EDIL3: variants seen among roughly 807,000 people sequenced by gnomAD.
EDIL3 encodes the protein EGF like and discoidin domains 3.
In EDIL3, 37 loss-of-function variants were observed where a neutral mutation model predicts 67.4. That is an observed-to-expected ratio of 0.55 (90% CI 0.42 to 0.72). The LOEUF (loss-of-function observed/expected upper bound fraction) is 0.72, where lower values mean the gene tolerates loss of function less well. Ranked by LOEUF, EDIL3 falls within the 30% of genes least tolerant of loss-of-function variation. The pLI, the probability that EDIL3 is intolerant of heterozygous loss-of-function variation, is 0.00. For synonymous variants in EDIL3, 195 were observed against 196.3 expected (o/e 0.99, Z 0.05); for missense variants, 527 against 586.3 (o/e 0.90, Z 1.04).
chr5:84,126,584 T>C (rs1327717666), intron 5 of EDIL3, among the ~76,000 whole-genome samples: 2 of 152,146 alleles, frequency 1.3e-5, no homozygotes, highest in Non-Finnish European at 2.9e-5. Flanking sequence ...ACATGTATTA[T>C]GTGAAATGAA....
At chr5:84,156,984 T>C (rs1370451608) in intron 4 of EDIL3, among the ~76,000 whole-genome samples, 1 of 152,202 alleles carries the variant, frequency 6.6e-6, no homozygotes, top group Non-Finnish European at 1.5e-5. Context: ...CAGTTGAGTT[T>C]CTTCCTTCTC....
intron 9 of EDIL3, among the ~76,000 whole-genome samples, chr5:83,978,235 T>G (rs987476758): frequency 2.6e-5 from 4 of 151,886 alleles, no homozygotes; most frequent in African/African-American, 9.7e-5. Context: ...AAATGTAAAT[T>G]TTAGAAACCC....
chr5:84,014,813 A>C (rs1249946053), intron 9 of EDIL3, among the ~76,000 whole-genome samples: 1 of 152,236 alleles, frequency 6.6e-6, no homozygotes, highest in East Asian at 1.9e-4. Context: ...TAAGAAAATT[A>C]ATTCTTTGTA....
At chr5:84,062,967 G>C (rs553085672) in intron 8 of EDIL3, among the ~76,000 whole-genome samples, 1 of 152,208 alleles carries the variant, frequency 6.6e-6, no homozygotes, top group South Asian at 2.1e-4. Flanking sequence ...AAGTGCTCTA[G>C]TTTTTTAAAG....
At chr5:83,958,764 C>G (rs1002211750) in intron 10 of EDIL3, among the ~76,000 whole-genome samples, 1 of 151,290 alleles carries the variant, frequency 6.6e-6, no homozygotes, top group African/African-American at 2.4e-5. Context: ...AAGTGTTTGT[C>G]AAGTTTTGCA....
chr5:84,075,947 T>A (rs889888752), intron 6 of EDIL3, among the ~76,000 whole-genome samples: 1 of 130,632 alleles, frequency 7.7e-6, no homozygotes, highest in African/African-American at 2.6e-5. Context: ...ATTGTGGGTT[T>A]TATATATATA....
At chr5:84,253,354 C>T (rs537746349) in intron 2 of EDIL3, among the ~76,000 whole-genome samples, 25 of 152,174 alleles carry the variant, frequency 1.6e-4, no homozygotes, top group Non-Finnish European at 3.1e-4. Context: ...CTTACCTGTG[C>T]TATTAACTTT....
chr5:84,132,481 T>A (rs1396128387), intron 5 of EDIL3, among the ~76,000 whole-genome samples: 4 of 108,626 alleles, frequency 3.7e-5, no homozygotes, highest in Admixed American at 2.5e-4. Context: ...AATATATATT[T>A]TAATATATAT....
intron 1 of EDIL3, among the ~76,000 whole-genome samples, chr5:84,310,637 T>C (rs771757183): frequency 1.3e-5 from 2 of 152,216 alleles, no homozygotes; most frequent in East Asian, 1.9e-4. Context: ...TTTATCCTTA[T>C]ACAAATATTT....
chr5:84,229,877 A>T lies in EDIL3; in HGVS notation c.204T>A (p.Asp68Glu). Residue 68 changes from aspartate (D) to glutamate (E), a missense_variant, in exon 3 of 11, where the codon GAT becomes GAA. Around this residue, in one of 2 missense-constraint regions of EDIL3, gnomAD observed 494 missense variants for 522.5 expected, o/e 0.95. Coordinates refer to ENST00000296591, the MANE Select transcript of EDIL3 (RefSeq NM_005711.5). ...TACCTGCTGAAGTTGGTTCTTCTTC[A>T]TCTGATGCTATGATAAGAGGAAAAG... ...NCSSVVEVASDEEEPTSAGPC... is the reference protein window; with the variant it reads ...NCSSVVEVASEEEEPTSAGPC... 1.3e-6 allele frequency: 2 copies of T among 1,598,306 alleles called. No individual in the cohort carries two copies. Among genetic ancestry groups the T allele is most frequent in the South Asian group, 1.1e-5 (1 of 89,610 alleles).
intron 1 of EDIL3, among the ~76,000 whole-genome samples, chr5:84,284,395 T>C (rs1452427868): frequency 6.6e-6 from 1 of 152,100 alleles, no homozygotes; most frequent in African/African-American, 2.4e-5. Flanking sequence ...GCATGGCTAC[T>C]ATACCCATGC....
rs1366744773 is a variant in EDIL3 at position 84,130,517 on chromosome 5, T to C, written c.469+6724A>G. On this transcript the variant is annotated intron_variant, in intron 5 of 10. Transcript: ENST00000296591. ...CTTGTAAAACTTATGTGTGTTTTCA[T>C]TCTAATTTTCACTTCCTTATAGACA... Among the ~76,000 whole-genome samples, 3 of 152,184 alleles carry C rather than the reference T, an allele frequency of 2.0e-5. No individual in the cohort carries two copies. The East Asian group carries it at 5.8e-4, about 29-fold the overall frequency.
chr5:84,044,872 C>A (rs1233399691), intron 9 of EDIL3, among the ~76,000 whole-genome samples: 2 of 152,122 alleles, frequency 1.3e-5, no homozygotes, highest in African/African-American at 2.4e-5. Context: ...GAGAAACAAC[C>A]AATTACCCTT....
chr5:84,073,575 G>C (rs1223008245), intron 6 of EDIL3, among the ~76,000 whole-genome samples: 4 of 152,068 alleles, frequency 2.6e-5, no homozygotes, highest in South Asian at 2.1e-4. Context: ...AGAGCCAAAT[G>C]ATGAGTGAAC....
At chr5:84,374,379 G>A (rs1242454077) in intron 1 of EDIL3, among the ~76,000 whole-genome samples, 1 of 152,146 alleles carries the variant, frequency 6.6e-6, no homozygotes, top group Admixed American at 6.5e-5. Context: ...TGTTAAATTA[G>A]ATTAAGAATA....
intron 10 of EDIL3, 69 bp from the exon 11 acceptor site, chr5:83,943,637 G>C (rs1173217399): frequency 6.5e-7 from 1 of 1,546,718 alleles, no homozygotes; most frequent in Non-Finnish European, 8.8e-7. Flanking sequence ...TTATGTTCCT[G>C]TTTGGAACAT....
intron 1 of EDIL3, among the ~76,000 whole-genome samples, chr5:84,293,518 G>A (rs1032130443): frequency 3.3e-5 from 5 of 150,906 alleles, no homozygotes; most frequent in Middle Eastern, 6.8e-3. Context: ...TACCCATGTA[G>A]AGGCAAACAT....
intron 3 of EDIL3, among the ~76,000 whole-genome samples, chr5:84,209,387 G>T (rs1304489751): frequency 1.3e-5 from 2 of 151,960 alleles, no homozygotes; most frequent in Non-Finnish European, 2.9e-5. Flanking sequence ...ATAAAAAAAA[G>T]AGTTCTACAA....
chr5:84,054,293 T>C (rs887122443), intron 9 of EDIL3, among the ~76,000 whole-genome samples: 2 of 152,188 alleles, frequency 1.3e-5, no homozygotes, highest in Admixed American at 6.5e-5. Context: ...AAATTAGGTA[T>C]TGATGGGATG....
Sources: gnomAD v4.1 joint callset for allele counts (sites outside exome capture counted in the v4.1 genomes callset) on GRCh38, gnomAD v4.1.1 for gene constraint, gnomAD v4.1.1 regional missense constraint, MANE v1.5 for transcripts, NCBI Gene and HGNC (gene_info 2026-07-23, HGNC 2026-07-21) for gene names.